The following JARID2 variants were observed in gnomAD, a reference collection of about 807,000 sequenced individuals.
The protein encoded by JARID2 is protein Jumonji.
JARID2 carries 21 observed loss-of-function variants against 125.6 expected under a neutral mutation model. The observed-to-expected ratio is 0.17, with a 90% CI of 0.12 to 0.24. The LOEUF is 0.24. Among genes scored for constraint, JARID2 ranks in the 10% least tolerant of loss-of-function variants. The pLI is 1.00. For missense variants in JARID2, 1,303 were observed against 1,639.6 expected (o/e 0.79, Z 3.55); for synonymous variants, 736 against 661.6 (o/e 1.11, Z -1.73).
chr6:15,475,630 C>T (rs1769302996), intron 5 of JARID2, among the ~76,000 whole-genome samples: 1 of 152,220 alleles, frequency 6.6e-6, no homozygotes, highest in Non-Finnish European at 1.5e-5. Flanking sequence ...CTGCCCTTAC[C>T]CCTGTTCCCT....
chr6:15,435,770 A>C (rs536283526), intron 3 of JARID2, among the ~76,000 whole-genome samples: 1 of 152,230 alleles, frequency 6.6e-6, no homozygotes, highest in Middle Eastern at 3.4e-3. Context: ...GTAGATTAAT[A>C]GTATAAGCTG....
chr6:15,272,493 C>T (rs974748698), intron 1 of JARID2, among the ~76,000 whole-genome samples: 1 of 152,198 alleles, frequency 6.6e-6, no homozygotes, highest in African/African-American at 2.4e-5. Context: ...TGAATGTATA[C>T]CTACCCTAAA....
In JARID2 at chr6:15,421,059, C is replaced by G. The variant is rs1033546713; in HGVS notation, c.323+10694C>G. On this transcript the variant is annotated intron_variant, in intron 3 of 17. Coordinates refer to ENST00000341776, the MANE Select transcript of JARID2 (RefSeq NM_004973.4). The stretch of plus-strand genomic sequence containing the variant: ...CTGTGTGGCTCTGGCCTCTGCTGTG[C>G]TCTGCCTTACACATTATATCACCTT... Among the ~76,000 whole-genome samples, 48 of 152,274 alleles carry G rather than the reference C, an allele frequency of 3.2e-4. 1 individual carries two copies. The highest frequency in any genetic ancestry group is 1.1e-3 in the African/African-American group (46 of 41,550).
At chr6:15,463,961 T>TA (rs1768585423) in intron 4 of JARID2, among the ~76,000 whole-genome samples, 1 of 152,260 alleles carries the variant, frequency 6.6e-6, no homozygotes, top group Non-Finnish European at 1.5e-5. Context: ...CTAAATGAGA[T>TA]AATCAAGCTG....
At chr6:15,367,934 A>G (rs1417600872) in intron 1 of JARID2, among the ~76,000 whole-genome samples, 1 of 152,134 alleles carries the variant, frequency 6.6e-6, no homozygotes. Flanking sequence ...GTTTTCTTGC[A>G]CTAATGTACT....
chr6:15,378,967 C>G (rs79373810), intron 2 of JARID2, among the ~76,000 whole-genome samples: 1 of 151,990 alleles, frequency 6.6e-6, no homozygotes, highest in Admixed American at 6.6e-5. Context: ...TGAAGGGGGT[C>G]GGGTATCTGA....
At chr6:15,346,287 C>G (rs942749232) in intron 1 of JARID2, among the ~76,000 whole-genome samples, 1 of 152,204 alleles carries the variant, frequency 6.6e-6, no homozygotes, top group Non-Finnish European at 1.5e-5. Context: ...GTTAGAAACT[C>G]CAGTTAACAC....
intron 1 of JARID2, among the ~76,000 whole-genome samples, chr6:15,321,437 A>G (rs1005236450): frequency 1.1e-4 from 17 of 152,224 alleles, no homozygotes; most frequent in Non-Finnish European, 2.9e-5. Flanking sequence ...GGAAATATTT[A>G]ACAATTTTGT....
intron 3 of JARID2, among the ~76,000 whole-genome samples, chr6:15,435,969 T>C (rs1767183868): frequency 6.6e-6 from 1 of 152,132 alleles, no homozygotes; most frequent in African/African-American, 2.4e-5. Flanking sequence ...GGGCGTGCGA[T>C]GGAGGAGTGG....
intron 1 of JARID2, among the ~76,000 whole-genome samples, chr6:15,282,661 AT>A (rs1335308286): frequency 1.3e-5 from 2 of 150,958 alleles, no homozygotes. Context: ...CTGAAGTGCA[AT>A]GGCGAGATCT....
chr6:15,453,819 C>G (rs902234632), intron 4 of JARID2, among the ~76,000 whole-genome samples: 1 of 152,038 alleles, frequency 6.6e-6, no homozygotes, highest in Non-Finnish European at 1.5e-5. Flanking sequence ...ACAAAATGTT[C>G]CAGGCTCATG....
chr6:15,446,582 C>T (rs894560558), intron 3 of JARID2, among the ~76,000 whole-genome samples: 1 of 152,218 alleles, frequency 6.6e-6, no homozygotes, highest in Non-Finnish European at 1.5e-5. Context: ...CAATCCCTAC[C>T]TTTGTCTTAG....
intron 12 of JARID2, among the ~76,000 whole-genome samples, chr6:15,511,053 T>C (rs1451740496): frequency 2.0e-5 from 3 of 152,222 alleles, no homozygotes; most frequent in Non-Finnish European, 4.4e-5. Context: ...CCATAAAAGA[T>C]GAGCATCTCG....
intron 3 of JARID2, among the ~76,000 whole-genome samples, chr6:15,439,599 C>T (rs766485720): frequency 6.6e-6 from 1 of 152,184 alleles, no homozygotes; most frequent in Non-Finnish European, 1.5e-5. Flanking sequence ...TAATGAAGGA[C>T]TTAATTGAAC....
At chr6:15,354,023 G>T (rs1233312959) in intron 1 of JARID2, among the ~76,000 whole-genome samples, 1 of 152,212 alleles carries the variant, frequency 6.6e-6, no homozygotes, top group Non-Finnish European at 1.5e-5. Flanking sequence ...TCAGCATGAG[G>T]TGTATTTCAA....
At chr6:15,260,872 T>C (rs1217622505) in intron 1 of JARID2, among the ~76,000 whole-genome samples, 1 of 152,238 alleles carries the variant, frequency 6.6e-6, no homozygotes, top group Non-Finnish European at 1.5e-5. Flanking sequence ...AATTAAGCGA[T>C]GTGATCACTG....
At chr6:15,314,743 A>G (rs1227030372) in intron 1 of JARID2, among the ~76,000 whole-genome samples, 2 of 152,184 alleles carry the variant, frequency 1.3e-5, no homozygotes, top group Non-Finnish European at 2.9e-5. Flanking sequence ...TAGGTTAGGG[A>G]AGGTTTGGGG....
intron 16 of JARID2, among the ~76,000 whole-genome samples, chr6:15,514,032 C>T (rs1256809667): frequency 1.3e-5 from 2 of 152,250 alleles, no homozygotes; most frequent in East Asian, 1.9e-4. Context: ...CTTGCCTTCT[C>T]GACTGTGCCC....
intron 1 of JARID2, among the ~76,000 whole-genome samples, chr6:15,346,570 A>C (rs1253105697): frequency 6.6e-6 from 1 of 151,652 alleles, no homozygotes; most frequent in Non-Finnish European, 1.5e-5. Flanking sequence ...CGTTTGGTTG[A>C]TGCATCTGTG....
Sources: gnomAD v4.1 joint callset for allele counts (sites outside exome capture counted in the v4.1 genomes callset) on GRCh38, gnomAD v4.1.1 for gene constraint, MANE v1.5 for transcripts, NCBI Gene and HGNC (gene_info 2026-07-23, HGNC 2026-07-21) for gene names.